The following GRM7 variants were observed in gnomAD, a reference collection of about 807,000 sequenced individuals.
GRM7 encodes metabotropic glutamate receptor 7.
Under a neutral mutation model 84.5 loss-of-function variants are expected in GRM7, and 35 were observed. The observed-to-expected ratio is 0.41, with a 90% confidence interval of 0.32 to 0.55. The LOEUF is 0.55. Ranked by LOEUF, GRM7 falls within the 20% of genes least tolerant of loss-of-function variation. The probability of loss-of-function intolerance (pLI) is 0.19; values close to 1 mark genes in which losing one functional copy is unlikely to be tolerated. For synonymous variants in GRM7, 487 were observed against 455.1 expected (o/e 1.07, Z -0.89); for missense variants, 1,003 against 1,194.6 (o/e 0.84, Z 2.36).
chr3:7,488,236 T>A (rs756560038), intron 7 of GRM7, among the ~76,000 whole-genome samples: 4 of 152,214 alleles, frequency 2.6e-5, no homozygotes, highest in African/African-American at 4.8e-5. Context: ...TTTGGGTTGA[T>A]GCTAGACCAT....
chr3:7,483,291 G>A (rs141776616), intron 7 of GRM7, among the ~76,000 whole-genome samples: 8 of 152,328 alleles, frequency 5.3e-5, no homozygotes, highest in African/African-American at 1.9e-4. Flanking sequence ...ATAAGGTGAT[G>A]TGATACCAAA....
chr3:7,602,550 C>A lies in GRM7; in HGVS notation c.2451+23193C>A, dbSNP rs56258066. The stretch of plus-strand genomic sequence containing the variant: ...CAGAGGAAACAATCCACATCTCTTC[C>A]GTGCTCTCCCCTGTGCCCAGGCTTT... On this transcript the variant is annotated intron_variant, in intron 8 of 9. Coordinates refer to ENST00000357716, the MANE Select transcript of GRM7 (RefSeq NM_000844.4). Among the ~76,000 whole-genome samples, 7 of 152,086 alleles carry A rather than the reference C, an allele frequency of 4.6e-5. No individual in the cohort carries two copies. The South Asian group carries it at 1.5e-3, about 32-fold the overall frequency.
At chr3:7,354,303 A>G (rs1693290204) in intron 4 of GRM7, among the ~76,000 whole-genome samples, 1 of 152,114 alleles carries the variant, frequency 6.6e-6, no homozygotes, top group Non-Finnish European at 1.5e-5. Flanking sequence ...CCCTCTAATT[A>G]GTGTAGAGCT....
At chr3:6,864,815 C>A (rs1230543937) in intron 1 of GRM7, among the ~76,000 whole-genome samples, 1 of 152,174 alleles carries the variant, frequency 6.6e-6, no homozygotes, top group African/African-American at 2.4e-5. Context: ...CTGCCCCCAG[C>A]AAAGTCAGGA....
chr3:7,465,766 G>A (rs77061357), intron 7 of GRM7, among the ~76,000 whole-genome samples: 1 of 152,046 alleles, frequency 6.6e-6, no homozygotes, highest in African/African-American at 2.4e-5. Flanking sequence ...TTTCTCTGTG[G>A]TCAGTAATTG....
intron 2 of GRM7, among the ~76,000 whole-genome samples, chr3:7,296,103 G>T (rs115760635): frequency 0.042 from 6,307 of 151,720 alleles, 289 homozygotes; most frequent in African/African-American, 0.11. Flanking sequence ...TATATATAGA[G>T]AGAGAGAATT....
At chr3:7,323,709 T>G (rs1700874611) in intron 4 of GRM7, among the ~76,000 whole-genome samples, 1 of 152,218 alleles carries the variant, frequency 6.6e-6, no homozygotes, top group Non-Finnish European at 1.5e-5. Context: ...GTCATGGTTT[T>G]GTTAATCTTC....
chr3:7,250,670 C>T (rs989942395), intron 2 of GRM7, among the ~76,000 whole-genome samples: 1 of 151,906 alleles, frequency 6.6e-6, no homozygotes, highest in Non-Finnish European at 1.5e-5. Flanking sequence ...ACTACAGGTG[C>T]CCACCACCAC....
chr3:7,308,181 T>G (rs943422474), intron 4 of GRM7, among the ~76,000 whole-genome samples: 1 of 152,230 alleles, frequency 6.6e-6, no homozygotes, highest in African/African-American at 2.4e-5. Context: ...TACAAGACAC[T>G]GGGGAGACCC....
chr3:7,229,223 A>G (rs560034107), intron 2 of GRM7, among the ~76,000 whole-genome samples: 1 of 152,282 alleles, frequency 6.6e-6, no homozygotes, highest in Admixed American at 6.5e-5. Context: ...TGACAATAAA[A>G]CAGAAGAAAC....
At chr3:7,547,277 C>A (rs1056180796) in intron 7 of GRM7, among the ~76,000 whole-genome samples, 2 of 146,722 alleles carry the variant, frequency 1.4e-5, no homozygotes, top group Non-Finnish European at 3.0e-5. Context: ...CGTAATCTCG[C>A]CTCACTGCAA....
At chr3:6,881,419 G>T (rs2124963005) in intron 1 of GRM7, among the ~76,000 whole-genome samples, 1 of 152,184 alleles carries the variant, frequency 6.6e-6, no homozygotes, top group Non-Finnish European at 1.5e-5. Flanking sequence ...GCATTAGTTT[G>T]CTGAGGATAA....
rs1041163982 is a variant in GRM7, at chr3:7,479,691, G to A, written c.1515+17969G>A. Among the ~76,000 whole-genome samples the A allele has an allele frequency of 5.9e-5, 9 of 152,264 alleles. No homozygotes were observed. In the East Asian group the frequency reaches 1.6e-3, roughly 26 times the overall value. On this transcript the variant is annotated intron_variant, in intron 7 of 9. Transcript: ENST00000357716. ...CTCACAGCTCACTTATGAGGTCGGT[G>A]CTATTTTTATTCCCATTTTACAGAT...
chr3:7,678,872 A>C (rs6779467), intron 8 of GRM7, among the ~76,000 whole-genome samples: 3,119 of 152,286 alleles, frequency 0.02, 95 homozygotes, highest in African/African-American at 0.062. Context: ...TTAACCAGTG[A>C]GTTATAGGTA....
intron 8 of GRM7, among the ~76,000 whole-genome samples, chr3:7,624,077 G>T (rs1396770642): frequency 6.6e-6 from 1 of 152,088 alleles, no homozygotes; most frequent in Non-Finnish European, 1.5e-5. Context: ...ATTGAACTTA[G>T]GTCCTCTATA....
chr3:7,698,390 G>A (rs966739178), intron 9 of GRM7, among the ~76,000 whole-genome samples: 3 of 152,196 alleles, frequency 2.0e-5, no homozygotes, highest in Non-Finnish European at 4.4e-5. Context: ...TTATACAACT[G>A]TATGTGATAG....
intron 1 of GRM7, among the ~76,000 whole-genome samples, chr3:7,079,909 T>A (rs1698223330): frequency 6.6e-6 from 1 of 152,078 alleles, no homozygotes; most frequent in Non-Finnish European, 1.5e-5. Flanking sequence ...TCAATAAGTG[T>A]TTGTTCATTT....
chr3:6,959,880 A>C (rs1693222553), intron 1 of GRM7, among the ~76,000 whole-genome samples: 1 of 152,140 alleles, frequency 6.6e-6, no homozygotes, highest in African/African-American at 2.4e-5. Context: ...TAACAAATGG[A>C]AACTCATGGA....
At chr3:7,530,188 C>A (rs1700982441) in intron 7 of GRM7, among the ~76,000 whole-genome samples, 1 of 146,742 alleles carries the variant, frequency 6.8e-6, no homozygotes, top group Admixed American at 7.2e-5. Context: ...TGAGGACATG[C>A]AGTGTTTGGT....
Sources: allele counts gnomAD v4.1 joint callset (sites outside exome capture counted in the v4.1 genomes callset), GRCh38; gene constraint gnomAD v4.1.1; transcripts MANE v1.5; gene names NCBI Gene and HGNC (gene_info 2026-07-23, HGNC 2026-07-21).